The following ZNF496 variants were observed in gnomAD, a reference collection of about 807,000 sequenced individuals.
ZNF496 encodes zinc finger protein 496, also known as NSD1 (nuclear receptor binding SET-domain containing 1)-interacting zinc finger protein 1.
A neutral mutation model predicts 58.9 loss-of-function variants in ZNF496; 11 were observed. The ratio of observed to expected loss-of-function variants is 0.19; its 90% CI spans 0.12 to 0.31. ZNF496 has a LOEUF of 0.31. Ranked by LOEUF, ZNF496 falls within the 10% of genes least tolerant of loss-of-function variation. ZNF496 has a pLI of 1.00. For missense variants in ZNF496, 660 were observed against 783.0 expected (o/e 0.84, Z 1.88); for synonymous variants, 338 against 318.2 (o/e 1.06, Z -0.66).
chr1:247,302,431 G>A lies in ZNF496; in HGVS notation c.1007-1155C>T, dbSNP rs531993697. Among the ~76,000 whole-genome samples the A allele has an allele frequency of 8.5e-5, 13 of 152,130 alleles. No individual in the cohort carries two copies. In the South Asian group the frequency reaches 2.1e-3, roughly 24 times the overall value. On this transcript the variant is annotated intron_variant, in intron 9 of 9. Coordinates refer to ENST00000682384, the MANE Select transcript of ZNF496 (RefSeq NM_032752.3). ...GGTACTGAGTCTGCCAAGAACCCAC[G>A]TAGTATAGGAGGGAAATCATCAGAT...
intron 6 of ZNF496, chr1:247,311,584 G>A (rs1490221056): frequency 6.6e-6 from 1 of 152,212 alleles, no homozygotes; most frequent in East Asian, 1.9e-4. Flanking sequence ...AGCACATTAT[G>A]GTTTACGGCT....
chr1:247,328,922 G>A (rs1479066290), intron 4 of ZNF496, 56 bp from the exon 5 acceptor site: 1 of 1,531,484 alleles, frequency 6.5e-7, no homozygotes, highest in Non-Finnish European at 8.8e-7. Context: ...ATCTCTCCCT[G>A]GGCCTGGTGA....
At chr1:247,310,695 G>C (rs1437694637) in intron 6 of ZNF496, 1 of 501,340 alleles carries the variant, frequency 2.0e-6, no homozygotes, top group African/African-American at 1.9e-5. Flanking sequence ...TTACATGATG[G>C]AGAGGGCAAG....
chr1:247,331,112 C>A (rs930807918), intron 2 of ZNF496, among the ~76,000 whole-genome samples: 1 of 152,128 alleles, frequency 6.6e-6, no homozygotes, highest in Admixed American at 6.5e-5. Flanking sequence ...CAGGCCCGCC[C>A]CCCCGAGCAC....
At chr1:247,307,734 T>G (rs1659462095) in intron 9 of ZNF496, 4 of 985,230 alleles carry the variant, frequency 4.1e-6, no homozygotes, top group Middle Eastern at 5.2e-4. Flanking sequence ...GTAGAAGAGA[T>G]AATATGTGTG....
At chr1:247,303,669 T>A (rs1489522362) in intron 9 of ZNF496, among the ~76,000 whole-genome samples, 1 of 152,184 alleles carries the variant, frequency 6.6e-6, no homozygotes, top group Non-Finnish European at 1.5e-5. Context: ...TGAGGAGGTA[T>A]CGAAGCAAAG....
chr1:247,329,805 C>G lies in ZNF496; in HGVS notation c.-38+161G>C, dbSNP rs142047867. Among the ~76,000 whole-genome samples the G allele has an allele frequency of 6.6e-6, 1 of 152,152 alleles. No individual in the cohort carries two copies. The highest frequency in any genetic ancestry group is 1.5e-5 in the Non-Finnish European group (1 of 68,028). On this transcript the variant is annotated intron_variant, in intron 3 of 9. Coordinates refer to ENST00000682384, the MANE Select transcript of ZNF496 (RefSeq NM_032752.3). The surrounding 1 kb of genome is among the most constrained non-coding windows in gnomAD (Gnocchi z 5.5). ...AACAGACAGAAAGATGCCCTCCCCCCATCAGTACCATTACGTGTGGATTCC... is the reference window on the plus strand; with the variant it reads ...AACAGACAGAAAGATGCCCTCCCCCGATCAGTACCATTACGTGTGGATTCC...
Position 247,308,768 on chromosome 1 carries a change from A to C in ZNF496, c.893-180T>G. 1 of 571,886 alleles carries C rather than the reference A, an allele frequency of 1.7e-6. No individual in the cohort carries two copies. The highest frequency in any genetic ancestry group is 3.1e-6 in the Non-Finnish European group (1 of 319,848). The allele number at this position is 571,886 out of a possible 1,614,324, so 35.4% of individuals were successfully genotyped here. On this transcript the variant is annotated intron_variant, in intron 8 of 9. Transcript: ENST00000682384. The surrounding 1 kb of genome is among the most constrained non-coding windows in gnomAD (Gnocchi z 4.5). Reference sequence around the variant, plus strand: ...CTGAGTGAATGAACCTGAAGGCAAAATGGGCCAACTCCACAAACATGAGCT... The same window carrying C: ...CTGAGTGAATGAACCTGAAGGCAAACTGGGCCAACTCCACAAACATGAGCT...
At position 247,308,650 on chromosome 1, in the gene ZNF496, G is replaced by A. The variant is rs1659494623; in HGVS notation, c.893-62C>T. The stretch of plus-strand genomic sequence containing the variant: ...TGCACCTACAGCACTACCTGGGAGG[G>A]TGCTATCCGAATAGATGCCAGGCTA... On this transcript the variant is annotated intron_variant, in intron 8 of 9. Coordinates refer to ENST00000682384, the MANE Select transcript of ZNF496 (RefSeq NM_032752.3). This position sits in a 1 kb window ranked among gnomAD's most constrained non-coding sequence, Gnocchi z 4.5. 4 of 1,490,368 alleles carry A rather than the reference G, an allele frequency of 2.7e-6. No individual in the cohort carries two copies. The highest frequency in any genetic ancestry group is 1.4e-5 in the African/African-American group (1 of 72,342). The allele number at this position is 1,490,368 out of a possible 1,614,324, so 92.3% of individuals were successfully genotyped here.
At chr1:247,304,014 G>T in intron 9 of ZNF496, 1 of 420,714 alleles carries the variant, frequency 2.4e-6, no homozygotes, top group South Asian at 1.7e-5. Flanking sequence ...TGGAGGGCAG[G>T]GTTTCTGAGT....
intron 2 of ZNF496, among the ~76,000 whole-genome samples, chr1:247,331,076 A>G (rs1660309443): frequency 6.6e-6 from 1 of 152,048 alleles, no homozygotes; most frequent in African/African-American, 2.4e-5. Context: ...GGCGCCCATC[A>G]CACACCTGCA....
Position 247,308,036 on chromosome 1 carries a change from A to C in ZNF496, c.1006+439T>G. On this transcript the variant is annotated intron_variant, in intron 9 of 9. Coordinates refer to ENST00000682384, the MANE Select transcript of ZNF496 (RefSeq NM_032752.3). The surrounding 1 kb of genome is among the most constrained non-coding windows in gnomAD (Gnocchi z 4.5). The stretch of plus-strand genomic sequence containing the variant: ...GATGCTGGCCATCCATGCTGAGAGA[A>C]GAAAAACACTCACTGCATCACCAAC... 1 of 984,822 alleles carries C rather than the reference A, an allele frequency of 1.0e-6. No individual in the cohort carries two copies. The highest frequency in any genetic ancestry group is 1.2e-6 in the Non-Finnish European group (1 of 829,408). The allele number at this position is 984,822 out of a possible 1,614,324, so 61.0% of individuals were successfully genotyped here.
rs374719725 is a variant in ZNF496 at position 247,323,115 on chromosome 1, A to C, written c.651+39T>G. 16 of 1,562,500 alleles carry C rather than the reference A, an allele frequency of 1.0e-5. No individual in the cohort carries two copies. The African/African-American group carries it at 1.9e-4, about 19-fold the overall frequency. ...AGCTGCCCTGTAGCCTACAGAGGCAAACAGGGGATTTTCAAGGACTCCTGT... is the reference window on the plus strand; with the variant it reads ...AGCTGCCCTGTAGCCTACAGAGGCACACAGGGGATTTTCAAGGACTCCTGT... On this transcript the variant is annotated intron_variant, in intron 6 of 9. Coordinates refer to ENST00000682384, the MANE Select transcript of ZNF496 (RefSeq NM_032752.3).
chr1:247,307,042 T>C, intron 9 of ZNF496: 1 of 955,740 alleles, frequency 1.0e-6, no homozygotes. Context: ...GATAAATGAA[T>C]ACTAACTAGG....
chr1:247,325,988 C>A (rs1660105766), intron 5 of ZNF496, among the ~76,000 whole-genome samples: 1 of 151,524 alleles, frequency 6.6e-6, no homozygotes, highest in South Asian at 2.1e-4. Flanking sequence ...CGCCTGTAAT[C>A]CCAACACTTT....
intron 6 of ZNF496, among the ~76,000 whole-genome samples, chr1:247,317,417 G>A (rs1351399063): frequency 6.6e-6 from 1 of 152,140 alleles, no homozygotes; most frequent in Non-Finnish European, 1.5e-5. Flanking sequence ...GAAAACTGTG[G>A]CCCCTTCTTA....
chr1:247,300,573 G>A lies in ZNF496; in HGVS notation c.1710C>T (p.Arg570=). 6.2e-7 allele frequency: 1 copy of A among 1,613,318 alleles called. No homozygotes were observed. Among genetic ancestry groups the A allele is most frequent in the Non-Finnish European group, 8.5e-7 (1 of 1,179,404 alleles). ...KSFTQNYDLL[R]HERLHMKRRS... is the part of the protein sequence containing the mutation. Reference sequence around the variant, plus strand: ...GGCGCTTCATGTGCAGGCGCTCGTGGCGGAGGAGGTCATAGTTCTGCGTGA... The same window carrying A: ...GGCGCTTCATGTGCAGGCGCTCGTGACGGAGGAGGTCATAGTTCTGCGTGA... The change falls in exon 10 of 10, where the codon CGC becomes CGT. Residue 570 remains arginine, a synonymous_variant. Transcript: ENST00000682384. The surrounding 1 kb of genome is among the most constrained non-coding windows in gnomAD (Gnocchi z 5.7).
At chr1:247,324,463 A>C (rs577440290) in intron 5 of ZNF496, among the ~76,000 whole-genome samples, 2 of 151,784 alleles carry the variant, frequency 1.3e-5, no homozygotes, top group Non-Finnish European at 2.9e-5. Flanking sequence ...GTAGATCTGA[A>C]GTATTTTCAC....
intron 5 of ZNF496, 44 bp from the exon 6 acceptor site, chr1:247,323,274 A>T: frequency 2.0e-6 from 3 of 1,489,212 alleles, no homozygotes; most frequent in Non-Finnish European, 1.9e-6. Flanking sequence ...GGCCAGGGCC[A>T]GGCCTGGTGC....
Sources: allele counts gnomAD v4.1 joint callset (sites outside exome capture counted in the v4.1 genomes callset), GRCh38; gene constraint gnomAD v4.1.1; non-coding constraint Gnocchi (gnomAD v3.1); transcripts MANE v1.5; gene names NCBI Gene and HGNC (gene_info 2026-07-23, HGNC 2026-07-21).